PCLO: variants seen among roughly 807,000 people sequenced by gnomAD.
PCLO encodes the protein protein piccolo.
A neutral mutation model predicts 427.5 loss-of-function variants in PCLO; 82 were observed. The ratio of observed to expected loss-of-function variants is 0.19; its 90% CI spans 0.16 to 0.23. The LOEUF (loss-of-function observed/expected upper bound fraction) is 0.23, where lower values mean the gene tolerates loss of function less well. Ranked by LOEUF, PCLO falls within the 10% of genes least tolerant of loss-of-function variation. PCLO has a pLI of 1.00. For synonymous variants in PCLO, 2,357 were observed against 2,155.4 expected, an observed-to-expected ratio of 1.09 and a Z score of -2.59; for missense variants, 6,239 against 6,115.9, an observed-to-expected ratio of 1.02 and a Z score of -0.67.
intron 6 of PCLO, among the ~76,000 whole-genome samples, chr7:82,923,475 T>A (rs1427138996): frequency 2.0e-5 from 3 of 152,106 alleles, no homozygotes; most frequent in Non-Finnish European, 4.4e-5. Flanking sequence ...CAGTGGTTAT[T>A]ACATACCAGT....
intron 1 of PCLO, among the ~76,000 whole-genome samples, chr7:83,157,376 A>G (rs1479136621): frequency 3.3e-5 from 5 of 152,132 alleles, no homozygotes; most frequent in Non-Finnish European, 7.4e-5. Context: ...TGGTATCCAT[A>G]TATCTTACTT....
chr7:83,063,598 A>G (rs1789592643), intron 3 of PCLO, among the ~76,000 whole-genome samples: 1 of 152,132 alleles, frequency 6.6e-6, no homozygotes, highest in South Asian at 2.1e-4. Context: ...AGGCTAGGCT[A>G]AACTATGATG....
At chr7:83,015,325 T>G (rs970845080) in intron 3 of PCLO, among the ~76,000 whole-genome samples, 5 of 147,026 alleles carry the variant, frequency 3.4e-5, no homozygotes, top group African/African-American at 1.2e-4. Context: ...TAGGTCTAGG[T>G]TTTTTTTTTT....
At chr7:83,125,065 GCC>G (rs1033292763) in intron 3 of PCLO, among the ~76,000 whole-genome samples, 1 of 152,086 alleles carries the variant, frequency 6.6e-6, no homozygotes, top group Middle Eastern at 3.2e-3. Flanking sequence ...GCTCAATGTT[GCC>G]CAGGCTGGAG....
chr7:83,119,823 G>GAAAA (rs71074621), intron 3 of PCLO, among the ~76,000 whole-genome samples: 1 of 141,696 alleles, frequency 7.1e-6, no homozygotes. Context: ...AATCCTATCA[G>GAAAA]AAAAAAAAAA....
At chr7:83,017,251 A>C (rs1788231303) in intron 3 of PCLO, among the ~76,000 whole-genome samples, 1 of 152,178 alleles carries the variant, frequency 6.6e-6, no homozygotes, top group African/African-American at 2.4e-5. Context: ...GAAATGAATA[A>C]AACAGAAGAT....
intron 20 of PCLO, among the ~76,000 whole-genome samples, chr7:82,811,735 A>G (rs997221976): frequency 7.3e-5 from 11 of 151,550 alleles, no homozygotes; most frequent in Admixed American, 4.0e-4. Context: ...AAAATGGGCT[A>G]GCTTCAATAG....
At chr7:83,056,036 C>A (rs2116287460) in intron 3 of PCLO, among the ~76,000 whole-genome samples, 1 of 152,182 alleles carries the variant, frequency 6.6e-6, no homozygotes, top group Middle Eastern at 3.4e-3. Context: ...GTTAATTGTA[C>A]ATTTTTATGG....
rs767742989 is a variant in PCLO, at chr7:83,154,759, G to A, written c.1882C>T (p.His628Tyr). The change falls in exon 2 of 25, where the codon CAT becomes TAT. Residue 628 changes from histidine (H) to tyrosine (Y), a missense_variant. Physicochemically the swap from His to Tyr is moderately conservative, Grantham distance 83. Coordinates refer to ENST00000333891, the MANE Select transcript of PCLO (RefSeq NM_033026.6). ...ATAAATGCACTTACCTCCGTTAAAT[G>A]AGGATTGGGATTAAAACCACAGAGA... The part of the protein sequence containing the change: ...CSLCGFNPNP[H>Y]LTEVKEWLCL... 7 of 1,612,780 alleles carry A rather than the reference G, an allele frequency of 4.3e-6. No individual in the cohort carries two copies. Among genetic ancestry groups the A allele is most frequent in the African/African-American group, 2.7e-5 (2 of 74,908 alleles).
chr7:82,965,283 A>AT lies in PCLO; in HGVS notation c.4017+487dup, dbSNP rs1491053251. Reference sequence around the variant, plus strand: ...TTTTGCTTTGGATTTTAGTTACGTCATTTTTTTTTCCTTTTTTCTTTTTTC... The same window carrying AT: ...TTTTGCTTTGGATTTTAGTTACGTCATTTTTTTTTTCCTTTTTTCTTTTTTC... On this transcript the variant is annotated intron_variant, in intron 4 of 24. Coordinates refer to ENST00000333891, the MANE Select transcript of PCLO (RefSeq NM_033026.6). Among the ~76,000 whole-genome samples the AT allele has an allele frequency of 2.4e-3, 159 of 67,240 alleles. 1 individual carries two copies. The highest frequency in any genetic ancestry group is 0.011 in the Middle Eastern group (1 of 94). 44.1% of individuals were successfully genotyped at this position (67,240 alleles called of 152,430 possible).
In PCLO at chr7:82,804,381, T is replaced by C. The variant is rs1275303952; in HGVS notation, c.14933+1307A>G. 2.0e-5 allele frequency among the ~76,000 whole-genome samples: 3 copies of C among 152,168 alleles called. 1 individual carries two copies. Among genetic ancestry groups the C allele is most frequent in the Admixed American group, 2.0e-4 (3 of 15,278 alleles). On this transcript the variant is annotated intron_variant, in intron 21 of 24. Coordinates refer to ENST00000333891, the MANE Select transcript of PCLO (RefSeq NM_033026.6). ...AGTTCAAAACAACAAAATGAACTCG[T>C]TTTTCACTGTAAAAATCTATTTTCA...
chr7:83,120,929 A>G (rs1282744733), intron 3 of PCLO, among the ~76,000 whole-genome samples: 1 of 152,192 alleles, frequency 6.6e-6, no homozygotes, highest in Non-Finnish European at 1.5e-5. Context: ...GATAACAAAA[A>G]TATATACAGA....
At chr7:83,050,979 T>C (rs1030617498) in intron 3 of PCLO, among the ~76,000 whole-genome samples, 1 of 152,026 alleles carries the variant, frequency 6.6e-6, no homozygotes, top group African/African-American at 2.4e-5. Flanking sequence ...AATATGATTA[T>C]ATGAATAGAT....
At position 82,951,380 on chromosome 7, in the gene PCLO, G is replaced by A. The variant is rs1326686534; in HGVS notation, c.9208C>T (p.Pro3070Ser). Residue 3070 changes from proline to serine, a missense_variant, in exon 6 of 25, where the codon CCA becomes TCA. Coordinates refer to ENST00000333891, the MANE Select transcript of PCLO (RefSeq NM_033026.6). The stretch of plus-strand genomic sequence containing the variant: ...ACACAATACTGGGGTCCTGGTGGTG[G>A]TGTCATTCTTGCTGTGGAATACTGT... The part of the protein sequence containing the change: ...TPQYSTARMT[P>S]PPGPQYCVGS... 6.2e-7 allele frequency: 1 copy of A among 1,604,172 alleles called. No homozygotes were observed. Among genetic ancestry groups the A allele is most frequent in the Non-Finnish European group, 8.5e-7 (1 of 1,174,900 alleles).
At chr7:83,030,979 C>A (rs1237724409) in intron 3 of PCLO, among the ~76,000 whole-genome samples, 1 of 151,978 alleles carries the variant, frequency 6.6e-6, no homozygotes, top group Non-Finnish European at 1.5e-5. Flanking sequence ...TTTCTTTTTC[C>A]TCAGGCTCTG....
chr7:83,139,371 C>G (rs531368065), intron 2 of PCLO, among the ~76,000 whole-genome samples: 5 of 152,200 alleles, frequency 3.3e-5, no homozygotes, highest in Non-Finnish European at 7.4e-5. Flanking sequence ...AGTTTCTTTG[C>G]AATCTGAACA....
intron 9 of PCLO, among the ~76,000 whole-genome samples, chr7:82,882,641 G>A (rs1379074909): frequency 6.6e-6 from 1 of 152,110 alleles, no homozygotes; most frequent in Non-Finnish European, 1.5e-5. Context: ...AACCTTCAAA[G>A]GTTGGGATAT....
chr7:82,916,764 C>A lies in PCLO; in HGVS notation c.11222G>T (p.Ser3741Ile). Residue 3741 changes from serine (S) to isoleucine (I), a missense_variant, in exon 7 of 25, where the codon AGC (serine) becomes ATC (isoleucine). Transcript: ENST00000333891. ...TCTCCTGGAAACTGTGCCCATTGTGCTGAATGTGGATTGAGTTCCTGTGGA... is the reference window on the plus strand; with the variant it reads ...TCTCCTGGAAACTGTGCCCATTGTGATGAATGTGGATTGAGTTCCTGTGGA... ...EISTGTQSTF[S>I]TMGTVSRRRI... 1 of 1,613,662 alleles carries A rather than the reference C, an allele frequency of 6.2e-7. No homozygotes were observed. The highest frequency in any genetic ancestry group is 8.5e-7 in the Non-Finnish European group (1 of 1,179,718).
At chr7:82,862,063 A>G (rs1369882070) in intron 10 of PCLO, among the ~76,000 whole-genome samples, 1 of 152,054 alleles carries the variant, frequency 6.6e-6, no homozygotes, top group South Asian at 2.1e-4. Flanking sequence ...GAAAAGCAAG[A>G]GCAAACCAAA....
Sources: gnomAD v4.1 joint callset for allele counts (sites outside exome capture counted in the v4.1 genomes callset) on GRCh38, gnomAD v4.1.1 for gene constraint, MANE v1.5 for transcripts, NCBI Gene and HGNC (gene_info 2026-07-23, HGNC 2026-07-21) for gene names.